The following TRMU variants were observed in gnomAD, a reference collection of about 807,000 sequenced individuals.
The protein encoded by TRMU is mitochondrial tRNA-specific 2-thiouridylase 1.
Under a neutral mutation model 46.9 loss-of-function variants are expected in TRMU, and 49 were observed. The ratio of observed to expected loss-of-function variants is 1.05; its 90% confidence interval spans 0.83 to 1.33. TRMU has a LOEUF of 1.33. TRMU is among the 40% of genes most tolerant of loss of function. The pLI, the probability that TRMU is intolerant of heterozygous loss-of-function variation, is 0.00. For missense variants in TRMU, 572 were observed against 532.4 expected (o/e 1.07, Z -0.73); for synonymous variants, 241 against 200.9 (o/e 1.20, Z -1.69).
intron 8 of TRMU, 77 bp downstream of exon 8, chr22:46,353,944 G>T: frequency 7.1e-7 from 1 of 1,400,036 alleles, no homozygotes; most frequent in East Asian, 2.3e-5. Flanking sequence ...CAGGGCTTGA[G>T]AAGGCCTCCA....
intron 7 of TRMU, chr22:46,353,300 G>A (rs949105953): frequency 4.6e-5 from 10 of 216,116 alleles, no homozygotes; most frequent in Non-Finnish European, 8.5e-5. Flanking sequence ...CCCACTGCAG[G>A]GGAGGGAGGC....
intron 10 of TRMU, 78 bp downstream of exon 10, chr22:46,356,150 A>G (rs1216489088): frequency 3.3e-6 from 5 of 1,533,080 alleles, no homozygotes; most frequent in Non-Finnish European, 3.6e-6. Flanking sequence ...TTACAGAGGA[A>G]GGGGCTGAGG....
intron 1 of TRMU, among the ~76,000 whole-genome samples, 176 bp from the exon 2 acceptor site, chr22:46,337,603 C>T (rs1270496373): frequency 6.6e-6 from 1 of 152,172 alleles, no homozygotes; most frequent in African/African-American, 2.4e-5. Context: ...GGGACTCAGG[C>T]ACCAAGATGG....
At position 46,343,294 on chromosome 22, in the gene TRMU, C is replaced by G. The variant is rs202102056; in HGVS notation, c.281C>G (p.Thr94Ser). ...DFLNEYEKGR[T>S]PNPDIVCNKH... ...TTGAATGAGTATGAAAAAGGAAGGA[C>G]TCCCAATCCTGACATAGTTTGCAAC... The change falls in exon 3 of 11, where the codon ACT becomes AGT. Residue 94 changes from threonine to serine, a missense_variant. Transcript: ENST00000645190. 1.2e-6 allele frequency: 2 copies of G among 1,613,638 alleles called. No individual in the cohort carries two copies. The highest frequency in any genetic ancestry group is 3.3e-5 in the Admixed American group (2 of 59,966).
At chr22:46,355,271 AGGCCC>A in intron 8 of TRMU, 168 bp from the exon 9 acceptor site, 1 of 1,006,988 alleles carries the variant, frequency 9.9e-7, no homozygotes, top group Non-Finnish European at 1.5e-6. Flanking sequence ...GGGGATTCAA[AGGCCC>A]GGCGGGTGAT....
intron 1 of TRMU, among the ~76,000 whole-genome samples, chr22:46,337,516 G>C (rs1159827864): frequency 1.3e-5 from 2 of 152,172 alleles, no homozygotes; most frequent in African/African-American, 4.8e-5. Flanking sequence ...CACACTGGCT[G>C]ATCCCCTCCT....
chr22:46,352,430 G>C, intron 7 of TRMU, 100 bp downstream of exon 7: 3 of 1,446,990 alleles, frequency 2.1e-6, no homozygotes, highest in African/African-American at 1.4e-5. Context: ...CCTTCCACTT[G>C]GCTGGAGAAT....
rs1469331858 is a variant in TRMU, at chr22:46,357,328, T to C, written c.*322T>C. On this transcript the variant is annotated 3_prime_UTR_variant, in exon 11 of 11. Transcript: ENST00000645190. ...TGTCGGGACAGCGTGGAATAAACAT[T>C]ATTTCAAGGACACATAGTCTGATCG... The C allele has an allele frequency of 2.3e-6, 1 of 439,132 alleles. No homozygotes were observed. Among genetic ancestry groups the C allele is most frequent in the East Asian group, 4.8e-5 (1 of 20,956 alleles). The allele number at this position is 439,132 out of a possible 1,614,324, so 27.2% of individuals were successfully genotyped here. A position where few individuals can be genotyped will look rare whatever the true frequency, so the allele number is the denominator to read the frequency against.
chr22:46,352,719 A>C (rs933501414), intron 7 of TRMU: 8 of 354,324 alleles, frequency 2.3e-5, no homozygotes, highest in Non-Finnish European at 4.4e-5. Context: ...GTGAATGATT[A>C]AGGACCACAT....
chr22:46,338,115 G>A lies in TRMU; in HGVS notation c.248+171G>A. The A allele has an allele frequency of 1.2e-6, 1 of 835,998 alleles. No homozygotes were observed. The highest frequency in any genetic ancestry group is 1.9e-6 in the Non-Finnish European group (1 of 515,404). The allele number at this position is 835,998 out of a possible 1,614,324, so 51.8% of individuals were successfully genotyped here. The stretch of plus-strand genomic sequence containing the variant: ...GCCACCCTCGGGGCTCTGTGTTAGA[G>A]GCGAGGCCTGGACCCCACAGCACAC... On this transcript the variant is annotated intron_variant, in intron 2 of 10. Coordinates refer to ENST00000645190, the MANE Select transcript of TRMU (RefSeq NM_018006.5). The surrounding 1 kb of genome is among the most constrained non-coding windows in gnomAD (Gnocchi z 4.5).
rs751599083 is a variant in TRMU at position 46,343,300 on chromosome 22, A to G, written c.287A>G (p.Asn96Ser). ...LNEYEKGRTP[N>S]PDIVCNKHIK... ...GAGTATGAAAAAGGAAGGACTCCCA[A>G]TCCTGACATAGTTTGCAACAAGCAC... is the stretch of plus-strand genomic sequence containing the variant. Residue 96 changes from asparagine to serine, a missense_variant, in exon 3 of 11, where the codon AAT (asparagine) becomes AGT (serine). Physicochemically the swap from Asn to Ser is conservative, Grantham distance 46. Transcript: ENST00000645190. The G allele has an allele frequency of 1.7e-5, 28 of 1,613,942 alleles. No individual in the cohort carries two copies. The South Asian group carries it at 3.0e-4, about 17-fold the overall frequency.
In TRMU at chr22:46,338,258, C is replaced by T. The variant is rs759265294; in HGVS notation, c.248+314C>T. On this transcript the variant is annotated intron_variant, in intron 2 of 10. Coordinates refer to ENST00000645190, the MANE Select transcript of TRMU (RefSeq NM_018006.5). This position sits in a 1 kb window ranked among gnomAD's most constrained non-coding sequence, Gnocchi z 4.5. ...AGGGGAGCTAAGGCTGAGGGCTCCC[C>T]TGGAAGGTGAGCACCAATGCCTGTG... The T allele has an allele frequency of 6.9e-5, 27 of 390,276 alleles. No individual in the cohort carries two copies. Among genetic ancestry groups the T allele is most frequent in the Non-Finnish European group, 1.1e-4 (23 of 203,898 alleles). 24.2% of individuals were successfully genotyped at this position (390,276 alleles called of 1,614,324 possible). A position where few individuals can be genotyped will look rare whatever the true frequency, so the allele number is the denominator to read the frequency against.
At position 46,348,255 on chromosome 22, in the gene TRMU, ACT is replaced by A. The variant is rs1435440259; in HGVS notation, c.478+1712_478+1713del. On this transcript the variant is annotated intron_variant, in intron 4 of 10. Coordinates refer to ENST00000645190, the MANE Select transcript of TRMU (RefSeq NM_018006.5). This position sits in a 1 kb window ranked among gnomAD's most constrained non-coding sequence, Gnocchi z 4.8. ...CTCCTAGAACATTACCTCCTAGAAC[ACT>A]GTGTGCCCTGCAGAGCCATCGACCT... Among the ~76,000 whole-genome samples the A allele has an allele frequency of 3.9e-5, 6 of 152,134 alleles. No individual in the cohort carries two copies. Among genetic ancestry groups the A allele is most frequent in the Admixed American group, 2.6e-4 (4 of 15,272 alleles).
chr22:46,347,122 G>A lies in TRMU; in HGVS notation c.478+578G>A, dbSNP rs1433414698. On this transcript the variant is annotated intron_variant, in intron 4 of 10. Coordinates refer to ENST00000645190, the MANE Select transcript of TRMU (RefSeq NM_018006.5). The surrounding 1 kb of genome is among the most constrained non-coding windows in gnomAD (Gnocchi z 5.0). ...CTGGCCTGTCCTGGTGTACATTCGT[G>A]TGTAGAAAAGAGGAATTCCCTGTAT... 6.6e-6 allele frequency among the ~76,000 whole-genome samples: 1 copy of A among 152,236 alleles called. No individual in the cohort carries two copies. The highest frequency in any genetic ancestry group is 1.5e-5 in the Non-Finnish European group (1 of 68,048).
In TRMU at chr22:46,351,129, AAGG is replaced by A. The variant is rs1216098618; in HGVS notation, c.651+672_651+674del. Among the ~76,000 whole-genome samples the A allele has an allele frequency of 6.6e-6, 1 of 152,158 alleles. No individual in the cohort carries two copies. The highest frequency in any genetic ancestry group is 1.5e-5 in the Non-Finnish European group (1 of 68,024). On this transcript the variant is annotated intron_variant, in intron 5 of 10. Coordinates refer to ENST00000645190, the MANE Select transcript of TRMU (RefSeq NM_018006.5). This position sits in a 1 kb window ranked among gnomAD's most constrained non-coding sequence, Gnocchi z 6.4. ...GAAGTCACATGGAACCTGAGACCTG[AAGG>A]AGGAGAGGATCCGGTGTCCCAGAGA...
chr22:46,352,701 G>A lies in TRMU; in HGVS notation c.772+371G>A, dbSNP rs143788985. 2.4e-3 allele frequency: 898 copies of A among 366,576 alleles called. 13 individuals are homozygous for A. Among genetic ancestry groups the A allele is most frequent in the African/African-American group, 0.018 (854 of 47,558 alleles). The allele number at this position is 366,576 out of a possible 1,614,324, so 22.7% of individuals were successfully genotyped here. On this transcript the variant is annotated intron_variant, in intron 7 of 10. Coordinates refer to ENST00000645190, the MANE Select transcript of TRMU (RefSeq NM_018006.5). Reference sequence around the variant, plus strand: ...ATTCAGGGAGTAAGGTGGACGTCCCGGCATGGTGTGAATGATTAAGGACCA... The same window carrying A: ...ATTCAGGGAGTAAGGTGGACGTCCCAGCATGGTGTGAATGATTAAGGACCA...
chr22:46,355,446 C>T lies in TRMU; in HGVS notation c.876C>T (p.Ala292=), dbSNP rs1569087663. The T allele has an allele frequency of 1.2e-6, 2 of 1,612,942 alleles. No homozygotes were observed. The highest frequency in any genetic ancestry group is 1.3e-5 in the African/African-American group (1 of 75,032). The part of the protein sequence containing the change: ...KDSVKGDVFV[A]PRTDHPALYR... ...CACCTTCACATTCCATTCTGCAGGC[C>T]CCCCGGACAGACCACCCAGCCCTGT... is the stretch of plus-strand genomic sequence containing the variant. Residue 292 remains alanine (A), a splice_region_variant and synonymous_variant, in exon 9 of 11, where the codon GCC becomes GCT. Transcript: ENST00000645190.
chr22:46,341,685 T>G (rs958451128), intron 2 of TRMU, among the ~76,000 whole-genome samples: 1 of 151,846 alleles, frequency 6.6e-6, no homozygotes, highest in African/African-American at 2.4e-5. Context: ...ATAACCCTCT[T>G]GAAGTGAATC....
At chr22:46,337,653 C>T (rs1460201431) in intron 1 of TRMU, 126 bp from the exon 2 acceptor site, 15 of 1,283,158 alleles carry the variant, frequency 1.2e-5, no homozygotes, top group Non-Finnish European at 1.5e-5. Context: ...GCAGGGACTG[C>T]CCGGCAGGCC....
Sources: allele counts gnomAD v4.1 joint callset (sites outside exome capture counted in the v4.1 genomes callset), GRCh38; gene constraint gnomAD v4.1.1; non-coding constraint Gnocchi (gnomAD v3.1); transcripts MANE v1.5; gene names NCBI Gene and HGNC (gene_info 2026-07-23, HGNC 2026-07-21).